Variants in MEF2C observed in about 807,000 individuals in gnomAD.
The protein encoded by MEF2C is myocyte enhancer factor 2C.
In MEF2C, 6 loss-of-function variants were observed where a neutral mutation model predicts 50.5. The ratio of observed to expected loss-of-function variants is 0.12; its 90% CI spans 0.07 to 0.23. MEF2C has a LOEUF of 0.23. Ranked by LOEUF, MEF2C falls within the 10% of genes least tolerant of loss-of-function variation. The probability of loss-of-function intolerance (pLI) is 1.00; values close to 1 mark genes in which losing one functional copy is unlikely to be tolerated. For missense variants in MEF2C, 276 were observed against 605.0 expected, an observed-to-expected ratio of 0.46 and a Z score of 5.70; for synonymous variants, 183 against 228.0, an observed-to-expected ratio of 0.80 and a Z score of 1.78.
At chr5:88,902,192 C>G (rs1165890067) in intron 1 of MEF2C, among the ~76,000 whole-genome samples, 2 of 149,382 alleles carry the variant, frequency 1.3e-5, no homozygotes, top group African/African-American at 4.9e-5. Flanking sequence ...GAAATACATA[C>G]TAATTCTTTA....
chr5:88,831,580 A>G (rs1813045480), intron 1 of MEF2C, among the ~76,000 whole-genome samples: 1 of 152,036 alleles, frequency 6.6e-6, no homozygotes. Context: ...TGCTAGATAA[A>G]TCATCTGTTA....
rs2150131128 is a variant in MEF2C, at chr5:88,883,134, G to C, written c.-322C>G. 1 of 152,062 alleles carries C rather than the reference G, an allele frequency of 6.6e-6. No individual in the cohort carries two copies. Among genetic ancestry groups the C allele is most frequent in the East Asian group, 2.0e-4 (1 of 5,112 alleles). The allele number at this position is 152,062 out of a possible 1,614,324, so 9.4% of individuals were successfully genotyped here. ...CAGAACCTTCAAAGTCAATCCAATA[G>C]CAGCCCGAAGATGTCTGGGTGTACG... On this transcript the variant is annotated 5_prime_UTR_variant, in exon 1 of 11. Transcript: ENST00000504921.
At chr5:88,875,565 C>A (rs1830793312) in intron 1 of MEF2C, among the ~76,000 whole-genome samples, 1 of 151,844 alleles carries the variant, frequency 6.6e-6, no homozygotes, top group Non-Finnish European at 1.5e-5. Context: ...GGGAAGAGGT[C>A]TCATTTTCTA....
intron 1 of MEF2C, among the ~76,000 whole-genome samples, chr5:88,875,549 G>C (rs760787169): frequency 2.6e-5 from 4 of 151,902 alleles, no homozygotes; most frequent in South Asian, 2.1e-4. Context: ...CTGGAGGTAG[G>C]GGGTGGGGAA....
chr5:88,768,671 G>A, intron 3 of MEF2C: 1 of 984,978 alleles, frequency 1.0e-6, no homozygotes, highest in Non-Finnish European at 1.2e-6. Flanking sequence ...ATGAATAGAT[G>A]AACAGAACAG....
chr5:88,845,125 G>A (rs160045), intron 1 of MEF2C, among the ~76,000 whole-genome samples: 57,004 of 151,968 alleles, frequency 0.38, 12,313 homozygotes, highest in African/African-American at 0.59. Flanking sequence ...TTAATTCCAT[G>A]TTAATTAATT....
chr5:88,798,559 T>C (rs1796983630), intron 3 of MEF2C, among the ~76,000 whole-genome samples: 1 of 152,142 alleles, frequency 6.6e-6, no homozygotes, highest in South Asian at 2.1e-4. Flanking sequence ...TTCAAGTTTC[T>C]TAGCTTCCTT....
intron 1 of MEF2C, among the ~76,000 whole-genome samples, chr5:88,855,205 T>G (rs985595339): frequency 2.6e-5 from 4 of 152,212 alleles, no homozygotes; most frequent in Non-Finnish European, 4.4e-5. Context: ...AGAGTTTTGC[T>G]AAGTGCTATA....
At chr5:88,739,234 G>C (rs1765400809) in intron 6 of MEF2C, 1 of 981,652 alleles carries the variant, frequency 1.0e-6, no homozygotes, top group Non-Finnish European at 1.2e-6. Context: ...TGATTTTGAG[G>C]GATTTGAAGC....
At chr5:88,853,032 T>C (rs1305511081) in intron 1 of MEF2C, among the ~76,000 whole-genome samples, 3 of 152,136 alleles carry the variant, frequency 2.0e-5, no homozygotes, top group Admixed American at 6.5e-5. Context: ...AAGACAAGCC[T>C]GGGAAACATA....
At chr5:88,878,449 T>C (rs1831786183) in intron 1 of MEF2C, among the ~76,000 whole-genome samples, 1 of 151,960 alleles carries the variant, frequency 6.6e-6, no homozygotes, top group Non-Finnish European at 1.5e-5. Context: ...TGCAAAAATA[T>C]CACAGGTCTA....
chr5:88,848,756 T>C (rs1184882557), intron 1 of MEF2C, among the ~76,000 whole-genome samples: 6 of 152,222 alleles, frequency 3.9e-5, no homozygotes, highest in Non-Finnish European at 8.8e-5. Flanking sequence ...TCTATACTAA[T>C]GAATAAGGTA....
chr5:88,757,451 A>T (rs1451488501), intron 4 of MEF2C, among the ~76,000 whole-genome samples: 1 of 151,856 alleles, frequency 6.6e-6, no homozygotes, highest in Non-Finnish European at 1.5e-5. Flanking sequence ...ATGACTTGTG[A>T]GTACCAATGC....
intron 6 of MEF2C, chr5:88,738,431 A>G: frequency 1.1e-6 from 1 of 941,262 alleles, no homozygotes; most frequent in Non-Finnish European, 1.3e-6. Context: ...AATCTTCACA[A>G]GAACAACCCT....
chr5:88,741,415 A>G (rs1278462702), intron 6 of MEF2C: 1 of 985,276 alleles, frequency 1.0e-6, no homozygotes, highest in Non-Finnish European at 1.2e-6. Context: ...TGCCATCCCT[A>G]AAATAATTTG....
chr5:88,821,977 G>A (rs1808610824), intron 2 of MEF2C, among the ~76,000 whole-genome samples: 1 of 151,724 alleles, frequency 6.6e-6, no homozygotes, highest in South Asian at 2.1e-4. Context: ...CAATTACCCT[G>A]ATTTTGATCA....
intron 1 of MEF2C, among the ~76,000 whole-genome samples, chr5:88,832,590 G>A (rs1813489727): frequency 1.3e-5 from 2 of 152,080 alleles, no homozygotes; most frequent in South Asian, 4.1e-4. Context: ...AGCCTCATGA[G>A]GAGGAGTAGC....
chr5:88,839,376 T>A (rs1816487914), intron 1 of MEF2C: 2 of 151,866 alleles, frequency 1.3e-5, no homozygotes, highest in Admixed American at 1.3e-4. Flanking sequence ...TCTACCTACC[T>A]ACCTATGTAA....
At chr5:88,776,876 A>G (rs1331131218) in intron 3 of MEF2C, among the ~76,000 whole-genome samples, 1 of 152,152 alleles carries the variant, frequency 6.6e-6, no homozygotes, top group Admixed American at 6.5e-5. Context: ...GTGGCTCGGC[A>G]CCTGTTGTCT....
Sources: allele counts gnomAD v4.1 joint callset (sites outside exome capture counted in the v4.1 genomes callset), GRCh38; gene constraint gnomAD v4.1.1; transcripts MANE v1.5; gene names NCBI Gene and HGNC (gene_info 2026-07-23, HGNC 2026-07-21).